ELP3: variants seen among roughly 807,000 people sequenced by gnomAD.
The protein encoded by ELP3 is elongator acetyltransferase complex subunit 3, also known as elongator complex protein 3.
A neutral mutation model predicts 74.9 loss-of-function variants in ELP3; 56 were observed. The ratio of observed to expected loss-of-function variants is 0.75; its 90% CI spans 0.60 to 0.93. ELP3 has a LOEUF of 0.93. Ranked by LOEUF, ELP3 falls within the 40% of genes least tolerant of loss-of-function variation. The pLI is 0.00. For missense variants in ELP3, 573 were observed against 686.5 expected (o/e 0.83, Z 1.85); for synonymous variants, 222 against 239.8 (o/e 0.93, Z 0.68).
chr8:28,138,006 A>T (rs949968301), intron 10 of ELP3, 115 bp downstream of exon 10: 1 of 943,484 alleles, frequency 1.1e-6, no homozygotes, highest in Non-Finnish European at 1.5e-6. Flanking sequence ...TGGAAATAAG[A>T]TAACTGGAAT....
chr8:28,102,876 TCTC>T (rs1811546447), intron 3 of ELP3, among the ~76,000 whole-genome samples: 1 of 152,084 alleles, frequency 6.6e-6, no homozygotes, highest in African/African-American at 2.4e-5. Context: ...TACCCTAAAA[TCTC>T]CTATTTGTGG....
intron 14 of ELP3, among the ~76,000 whole-genome samples, chr8:28,179,562 C>T (rs906233575): frequency 2.0e-5 from 3 of 152,192 alleles, no homozygotes; most frequent in East Asian, 1.9e-4. Flanking sequence ...ATTTATTGTG[C>T]ACTTTATTCC....
At chr8:28,113,837 CAG>C (rs1466848867) in intron 7 of ELP3, 4 of 152,188 alleles carry the variant, frequency 2.6e-5, no homozygotes, top group African/African-American at 9.7e-5. Flanking sequence ...GATCGCCTCT[CAG>C]AGGTCCCACC....
chr8:28,179,937 A>G (rs1814933999), intron 14 of ELP3, among the ~76,000 whole-genome samples: 1 of 152,142 alleles, frequency 6.6e-6, no homozygotes, highest in African/African-American at 2.4e-5. Flanking sequence ...CTTTCAGTAC[A>G]TTGTATCTAT....
intron 14 of ELP3, among the ~76,000 whole-genome samples, chr8:28,177,361 T>C (rs913834079): frequency 1.3e-5 from 2 of 152,230 alleles, no homozygotes; most frequent in African/African-American, 4.8e-5. Context: ...GAGTAAAATA[T>C]CGCCATCCTG....
chr8:28,120,943 G>A (rs993289932), intron 7 of ELP3, among the ~76,000 whole-genome samples: 7 of 152,164 alleles, frequency 4.6e-5, no homozygotes, highest in Admixed American at 1.3e-4. Flanking sequence ...TGGCTTTTTA[G>A]TGTATCTTGA....
At position 28,161,985 on chromosome 8, in the gene ELP3, T is replaced by G. The variant is rs1563281432; in HGVS notation, c.1486-12T>G. 6.2e-7 allele frequency: 1 copy of G among 1,613,994 alleles called. No homozygotes were observed. The highest frequency in any genetic ancestry group is 1.1e-5 in the South Asian group (1 of 91,054). On this transcript the variant is annotated splice_polypyrimidine_tract_variant and intron_variant, in intron 13 of 14. Transcript: ENST00000256398. ...CTTTTTAATTCCCACTCCCCATTGT[T>G]GCTCCGTGCAGGGATTTGGCATGCT...
At chr8:28,117,617 A>G (rs1275789829) in intron 7 of ELP3, among the ~76,000 whole-genome samples, 1 of 152,206 alleles carries the variant, frequency 6.6e-6, no homozygotes. Flanking sequence ...AGAAGTAATG[A>G]AAGTACAATC....
chr8:28,144,377 T>C (rs1813353573), intron 10 of ELP3, among the ~76,000 whole-genome samples: 2 of 152,132 alleles, frequency 1.3e-5, no homozygotes, highest in South Asian at 2.1e-4. Flanking sequence ...CGGGAGGCCG[T>C]GGCAGGTAGA....
intron 14 of ELP3, among the ~76,000 whole-genome samples, chr8:28,184,774 A>C (rs1815165844): frequency 6.6e-6 from 1 of 152,228 alleles, no homozygotes; most frequent in Non-Finnish European, 1.5e-5. Context: ...GAGGACATAT[A>C]AAAGAGCAAA....
chr8:28,129,348 G>A lies in ELP3; in HGVS notation c.618-154G>A, dbSNP rs1231762739. ...TCCCCATGTGCATAGTTAGGAAGTA[G>A]CAGAGCCAGGATTTGAACTCAGGCA... On this transcript the variant is annotated intron_variant, in intron 7 of 14. Coordinates refer to ENST00000256398, the MANE Select transcript of ELP3 (RefSeq NM_018091.6). 36 of 676,162 alleles carry A rather than the reference G, an allele frequency of 5.3e-5. No homozygotes were observed. The East Asian group carries it at 9.0e-4, about 17-fold the overall frequency. 41.9% of individuals were successfully genotyped at this position (676,162 alleles called of 1,614,324 possible).
upstream of ELP3, among the ~76,000 whole-genome samples, chr8:28,091,081 T>C (rs1401776278): frequency 6.6e-6 from 1 of 151,974 alleles, no homozygotes; most frequent in African/African-American, 2.4e-5. Context: ...TAATTTTTTG[T>C]ATTTTTAGTG....
chr8:28,139,432 AGT>A (rs1244712182), intron 10 of ELP3, among the ~76,000 whole-genome samples: 1 of 152,236 alleles, frequency 6.6e-6, no homozygotes, highest in Non-Finnish European at 1.5e-5. Flanking sequence ...TGTAGAAATA[AGT>A]GTAAATGTAA....
At chr8:28,188,194 G>A (rs10104271) in intron 14 of ELP3, among the ~76,000 whole-genome samples, 3,810 of 152,296 alleles carry the variant, frequency 0.025, 177 homozygotes, top group African/African-American at 0.087. Context: ...GCTGTTTGAG[G>A]AATGCGTCCA....
At chr8:28,094,804 A>C (rs955374597) in intron 1 of ELP3, among the ~76,000 whole-genome samples, 1 of 152,212 alleles carries the variant, frequency 6.6e-6, no homozygotes, top group African/African-American at 2.4e-5. Context: ...GCCAGTAGGC[A>C]TTGGGACTGG....
intron 10 of ELP3, among the ~76,000 whole-genome samples, chr8:28,153,888 C>T (rs533193507): frequency 2.0e-5 from 3 of 152,160 alleles, no homozygotes; most frequent in Admixed American, 6.5e-5. Flanking sequence ...ATACAGTCAT[C>T]CTTCAACCCA....
intron 14 of ELP3, among the ~76,000 whole-genome samples, chr8:28,162,294 C>CATAT (rs1814130645): frequency 6.6e-6 from 1 of 152,194 alleles, no homozygotes; most frequent in African/African-American, 2.4e-5. Flanking sequence ...ACCTGTGACC[C>CATAT]ATATGCCCTC....
At position 28,189,228 on chromosome 8, in the gene ELP3, T is replaced by C. The variant is rs570450561; in HGVS notation, c.1568-421T>C. ...CCCACTCTTCTCTCTTTAAAACTTC[T>C]GGGAAACCGTCTATCGTTTGGCCTC... On this transcript the variant is annotated intron_variant, in intron 14 of 14. Coordinates refer to ENST00000256398, the MANE Select transcript of ELP3 (RefSeq NM_018091.6). Among the ~76,000 whole-genome samples the C allele has an allele frequency of 3.3e-5, 5 of 152,370 alleles. No individual in the cohort carries two copies. The East Asian group carries it at 7.7e-4, about 23-fold the overall frequency.
upstream of ELP3, among the ~76,000 whole-genome samples, chr8:28,090,645 C>T (rs906518887): frequency 9.2e-5 from 14 of 152,074 alleles, no homozygotes; most frequent in African/African-American, 1.9e-4. Flanking sequence ...TCTCCCCTCA[C>T]GCATATCCCA....
Sources: gnomAD v4.1 joint callset for allele counts (sites outside exome capture counted in the v4.1 genomes callset) on GRCh38, gnomAD v4.1.1 for gene constraint, MANE v1.5 for transcripts, NCBI Gene and HGNC (gene_info 2026-07-23, HGNC 2026-07-21) for gene names.